Variants in EYS observed in about 807,000 individuals in gnomAD.
The protein encoded by EYS is EGF-like photoreceptor maintenance factor, also known as protein eyes shut homolog.
In EYS, 250 loss-of-function variants were observed where a neutral mutation model predicts 282.1. The observed-to-expected ratio is 0.89, with a 90% CI of 0.80 to 0.98. The LOEUF (loss-of-function observed/expected upper bound fraction) is 0.98, where lower values mean the gene tolerates loss of function less well. EYS is among the 50% of genes least tolerant of loss of function. The pLI is 0.00. For missense variants in EYS, 4,016 were observed against 3,709.0 expected (o/e 1.08, Z -2.15); for synonymous variants, 1,355 against 1,282.9 (o/e 1.06, Z -1.20).
chr6:65,621,060 C>G (rs1766463297), intron 2 of EYS, among the ~76,000 whole-genome samples: 1 of 152,082 alleles, frequency 6.6e-6, no homozygotes, highest in African/African-American at 2.4e-5. Flanking sequence ...TTGTAGATAT[C>G]TATTAGGTCT....
At position 64,590,351 on chromosome 6, in the gene EYS, T is replaced by C. The variant is rs1238589706; in HGVS notation, c.5516A>G (p.Lys1839Arg). 6.4e-7 allele frequency: 1 copy of C among 1,551,318 alleles called. No homozygotes were observed. Among genetic ancestry groups the C allele is most frequent in the Non-Finnish European group, 8.7e-7 (1 of 1,146,696 alleles). Residue 1839 changes from lysine (K) to arginine (R), a missense_variant, in exon 26 of 43, where the codon AAA (lysine) becomes AGA (arginine). By Grantham distance (26) the Lys-to-Arg change is conservative. Transcript: ENST00000503581. The stretch of plus-strand genomic sequence containing the variant: ...TTGCACACTAGGCTGAAGTTCCCAT[T>C]TGGACCATTCTGAAGAAGTCTTGAC... Reference protein sequence around the residue: ...KEVKTSSEWSKWELQPSVQYQ... With the variant: ...KEVKTSSEWSRWELQPSVQYQ...
chr6:65,277,834 G>A (rs1309033648), intron 12 of EYS, among the ~76,000 whole-genome samples: 2 of 152,090 alleles, frequency 1.3e-5, no homozygotes, highest in Non-Finnish European at 2.9e-5. Context: ...TGGAGATTGA[G>A]TATGAAAGAG....
intron 12 of EYS, among the ~76,000 whole-genome samples, chr6:65,063,388 A>G (rs1313027079): frequency 6.6e-6 from 1 of 151,950 alleles, no homozygotes; most frequent in African/African-American, 2.4e-5. Context: ...TAAAAATCTC[A>G]CTGTATAGCA....
At chr6:64,959,823 CTA>C (rs1232867048) in intron 14 of EYS, among the ~76,000 whole-genome samples, 2 of 149,310 alleles carry the variant, frequency 1.3e-5, no homozygotes, top group Non-Finnish European at 3.0e-5. Flanking sequence ...AGTAACAAAA[CTA>C]TGTTGTAAAG....
At chr6:63,834,281 G>A (rs1771736352) in intron 36 of EYS, among the ~76,000 whole-genome samples, 1 of 152,126 alleles carries the variant, frequency 6.6e-6, no homozygotes, top group Non-Finnish European at 1.5e-5. Context: ...GCACCCTACA[G>A]AATGGGAGAA....
At chr6:65,503,293 T>C (rs1582386571) in intron 2 of EYS, among the ~76,000 whole-genome samples, 1 of 151,782 alleles carries the variant, frequency 6.6e-6, no homozygotes, top group East Asian at 1.9e-4. Flanking sequence ...ATTCAGATCT[T>C]ATGCACGTTT....
chr6:65,193,320 C>G (rs1447011340), intron 12 of EYS, among the ~76,000 whole-genome samples: 1 of 151,754 alleles, frequency 6.6e-6, no homozygotes, highest in Admixed American at 6.6e-5. Context: ...TGCCAGAGTC[C>G]ACATTTATCA....
intron 42 of EYS, among the ~76,000 whole-genome samples, chr6:63,722,251 A>T (rs1768428304): frequency 6.6e-6 from 1 of 152,032 alleles, no homozygotes; most frequent in African/African-American, 2.4e-5. Context: ...TGACTTTGTT[A>T]ATTAAGGATT....
intron 31 of EYS, among the ~76,000 whole-genome samples, chr6:64,185,178 A>G (rs566371982): frequency 7.0e-6 from 1 of 143,360 alleles, no homozygotes; most frequent in South Asian, 2.2e-4. Context: ...TGAGAAATAA[A>G]TAAATAATAA....
chr6:64,056,217 CA>C (rs1770978929), intron 33 of EYS, among the ~76,000 whole-genome samples: 1 of 152,178 alleles, frequency 6.6e-6, no homozygotes, highest in African/African-American at 2.4e-5. Context: ...CTCCATGGCA[CA>C]GACTGTTTCC....
chr6:63,732,565 T>C (rs1003999305), intron 41 of EYS, among the ~76,000 whole-genome samples: 3 of 152,242 alleles, frequency 2.0e-5, no homozygotes, highest in Admixed American at 1.3e-4. Context: ...TACCAGTGAT[T>C]AGTCATTGAG....
At chr6:65,332,813 T>A (rs1433478533) in intron 11 of EYS, among the ~76,000 whole-genome samples, 1 of 151,516 alleles carries the variant, frequency 6.6e-6, no homozygotes, top group African/African-American at 2.4e-5. Context: ...ACTGATTCAA[T>A]CTTTTTACTT....
At chr6:65,083,288 G>A (rs1420289697) in intron 12 of EYS, among the ~76,000 whole-genome samples, 1 of 151,900 alleles carries the variant, frequency 6.6e-6, no homozygotes, top group Non-Finnish European at 1.5e-5. Context: ...CTTCATAAAG[G>A]TAAATAAGTC....
chr6:65,429,445 G>A (rs1767793396), intron 5 of EYS, among the ~76,000 whole-genome samples: 1 of 152,114 alleles, frequency 6.6e-6, no homozygotes, highest in Non-Finnish European at 1.5e-5. Context: ...AAGAAATGAA[G>A]CTAAATACTA....
chr6:64,191,961 C>T (rs1391755533), intron 31 of EYS, among the ~76,000 whole-genome samples: 1 of 146,496 alleles, frequency 6.8e-6, no homozygotes, highest in Non-Finnish European at 1.5e-5. Context: ...TAAAAGTGTT[C>T]CTATTTCTCC....
chr6:64,290,345 G>GA (rs1167483023), intron 30 of EYS, among the ~76,000 whole-genome samples: 2 of 151,942 alleles, frequency 1.3e-5, no homozygotes, highest in African/African-American at 2.4e-5. Flanking sequence ...TAAAGTAGAA[G>GA]AAAAAACAGG....
chr6:65,618,828 G>GT (rs1766335036), intron 2 of EYS, among the ~76,000 whole-genome samples: 1 of 152,088 alleles, frequency 6.6e-6, no homozygotes, highest in African/African-American at 2.4e-5. Flanking sequence ...CCCATTGCTT[G>GT]TTTTTCTCAG....
At chr6:65,567,475 C>G (rs974869509) in intron 2 of EYS, among the ~76,000 whole-genome samples, 2 of 151,512 alleles carry the variant, frequency 1.3e-5, no homozygotes, top group Non-Finnish European at 2.9e-5. Context: ...ACTCTGTAGT[C>G]TAAAAAGAGT....
At chr6:64,920,784 T>C (rs943921738) in intron 15 of EYS, among the ~76,000 whole-genome samples, 3 of 152,064 alleles carry the variant, frequency 2.0e-5, no homozygotes, top group Admixed American at 1.3e-4. Flanking sequence ...CAGGTACAAT[T>C]TGAGTAGGAG....
Sources: gnomAD v4.1 joint callset for allele counts (sites outside exome capture counted in the v4.1 genomes callset) on GRCh38, gnomAD v4.1.1 for gene constraint, MANE v1.5 for transcripts, NCBI Gene and HGNC (gene_info 2026-07-23, HGNC 2026-07-21) for gene names.